Variants in STK35 observed in about 807,000 individuals in gnomAD.
STK35 encodes serine/threonine kinase 35, also known as serine/threonine-protein kinase 35.
Under a neutral mutation model 37.3 loss-of-function variants are expected in STK35, and 17 were observed. That is an observed-to-expected ratio of 0.46 (90% confidence interval 0.31 to 0.68). The LOEUF (loss-of-function observed/expected upper bound fraction) is 0.68, where lower values mean the gene tolerates loss of function less well. Among genes scored for constraint, STK35 ranks in the 30% least tolerant of loss-of-function variants. STK35 has a pLI of 0.05. For missense variants in STK35, 595 were observed against 746.7 expected, an observed-to-expected ratio of 0.80 and a Z score of 2.37; for synonymous variants, 385 against 319.1, an observed-to-expected ratio of 1.21 and a Z score of -2.20.
chr20:2,117,387 G>A lies in STK35; in HGVS notation c.*9G>A, dbSNP rs576379361. The stretch of plus-strand genomic sequence containing the variant: ...TCACATGTGCTGCTTAAAATTCAGG[G>A]CTAAGCATTTTGGGTGATTTTAAAC... On this transcript the variant is annotated 3_prime_UTR_variant, in exon 3 of 4. Coordinates refer to ENST00000381482, the MANE Select transcript of STK35 (RefSeq NM_080836.4). This position sits in a 1 kb window ranked among gnomAD's most constrained non-coding sequence, Gnocchi z 4.4. 3 of 1,580,114 alleles carry A rather than the reference G, an allele frequency of 1.9e-6. No homozygotes were observed. Among genetic ancestry groups the A allele is most frequent in the Non-Finnish European group, 2.6e-6 (3 of 1,160,850 alleles).
At position 2,144,709 on chromosome 20, in the gene STK35, C is replaced by T. The variant is rs1986229855; in HGVS notation, c.*963C>T. ...CTCACCTAACTGCCTCCTGGATTGT[C>T]ATCTTCCCAGATGTGTCCCATAGTG... On this transcript the variant is annotated 3_prime_UTR_variant, in exon 4 of 4. Transcript: ENST00000381482. 6.5e-6 allele frequency: 1 copy of T among 153,030 alleles called. No individual in the cohort carries two copies. The highest frequency in any genetic ancestry group is 2.4e-5 in the African/African-American group (1 of 41,460). 9.5% of individuals were successfully genotyped at this position (153,030 alleles called of 1,614,324 possible). A position where few individuals can be genotyped will look rare whatever the true frequency, so the allele number is the denominator to read the frequency against.
chr20:2,129,618 A>G (rs781278673), intron 3 of STK35, among the ~76,000 whole-genome samples: 1 of 152,182 alleles, frequency 6.6e-6, no homozygotes, highest in Admixed American at 6.5e-5. Flanking sequence ...GGGTGAAAAA[A>G]GCAGACGTGG....
chr20:2,109,673 A>G (rs1985581261), intron 2 of STK35, among the ~76,000 whole-genome samples: 2 of 152,238 alleles, frequency 1.3e-5, no homozygotes, highest in Non-Finnish European at 2.9e-5. Flanking sequence ...CAGAGACATT[A>G]GCATAATTCA....
At chr20:2,110,941 A>G (rs912256235) in intron 2 of STK35, among the ~76,000 whole-genome samples, 3 of 152,174 alleles carry the variant, frequency 2.0e-5, no homozygotes, top group African/African-American at 7.2e-5. Context: ...CAAGTTACTT[A>G]ATCTTTTGCT....
In STK35 at chr20:2,145,938, A is replaced by G. The variant is rs2153743; in HGVS notation, c.*2192A>G. 6.6e-6 allele frequency: 1 copy of G among 151,710 alleles called. No homozygotes were observed. Among genetic ancestry groups the G allele is most frequent in the Non-Finnish European group, 1.5e-5 (1 of 67,920 alleles). 9.4% of individuals were successfully genotyped at this position (151,710 alleles called of 1,614,324 possible). ...TTCTTTTTTTTCCCTCCCCAGGTCT[A>G]GTAGCTCTAACTAAAAAGTTCTTGG... is the stretch of plus-strand genomic sequence containing the variant. On this transcript the variant is annotated 3_prime_UTR_variant, in exon 4 of 4. Coordinates refer to ENST00000381482, the MANE Select transcript of STK35 (RefSeq NM_080836.4).
chr20:2,114,228 G>A (rs964901148), intron 2 of STK35, among the ~76,000 whole-genome samples: 1 of 152,048 alleles, frequency 6.6e-6, no homozygotes, highest in Non-Finnish European at 1.5e-5. Context: ...AGAAGTCCAG[G>A]GGCCTTTCCT....
At chr20:2,116,262 G>T (rs1421833496) in intron 2 of STK35, among the ~76,000 whole-genome samples, 1 of 152,164 alleles carries the variant, frequency 6.6e-6, no homozygotes, top group Non-Finnish European at 1.5e-5. Flanking sequence ...GAGAGGGAAG[G>T]TCATTTGCTC....
At chr20:2,142,851 G>A (rs1156430788) in intron 3 of STK35, among the ~76,000 whole-genome samples, 1 of 152,232 alleles carries the variant, frequency 6.6e-6, no homozygotes, top group East Asian at 1.9e-4. Context: ...ACTTAGCACT[G>A]ATCCGATAGC....
intron 2 of STK35, among the ~76,000 whole-genome samples, chr20:2,115,812 G>GC (rs2122552369): frequency 6.6e-6 from 1 of 151,910 alleles, no homozygotes; most frequent in East Asian, 1.9e-4. Flanking sequence ...TTACCTTCCT[G>GC]CTCCCCCACT....
intron 3 of STK35, among the ~76,000 whole-genome samples, chr20:2,143,079 A>C (rs1986197630): frequency 6.6e-6 from 1 of 152,232 alleles, no homozygotes; most frequent in Non-Finnish European, 1.5e-5. Flanking sequence ...ACAGGTGATG[A>C]GACCAGGGAA....
intron 3 of STK35, among the ~76,000 whole-genome samples, chr20:2,128,741 G>A (rs1030128248): frequency 6.6e-6 from 1 of 152,172 alleles, no homozygotes; most frequent in Non-Finnish European, 1.5e-5. Flanking sequence ...GAATGGTAGG[G>A]AGGTCACCCC....
intron 2 of STK35, among the ~76,000 whole-genome samples, chr20:2,114,241 G>A (rs745876515): frequency 6.6e-6 from 1 of 152,046 alleles, no homozygotes; most frequent in South Asian, 2.1e-4. Context: ...CCTTTCCTGC[G>A]CAAAGAAGTA....
In STK35 at chr20:2,144,558, C is replaced by T. The variant is rs551253091; in HGVS notation, c.*812C>T. The T allele has an allele frequency of 1.3e-5, 2 of 152,950 alleles. No individual in the cohort carries two copies. The highest frequency in any genetic ancestry group is 1.9e-4 in the East Asian group (1 of 5,186). The allele number at this position is 152,950 out of a possible 1,614,324, so 9.5% of individuals were successfully genotyped here. Reference sequence around the variant, plus strand: ...AGGTAAGGGTGGAGGGCGACCATCTCGCTCTTGCTGGCGGTGGAGCAGCCA... The same window carrying T: ...AGGTAAGGGTGGAGGGCGACCATCTTGCTCTTGCTGGCGGTGGAGCAGCCA... On this transcript the variant is annotated 3_prime_UTR_variant, in exon 4 of 4. Coordinates refer to ENST00000381482, the MANE Select transcript of STK35 (RefSeq NM_080836.4).
chr20:2,112,848 C>T (rs1985646083), intron 2 of STK35, among the ~76,000 whole-genome samples: 1 of 152,150 alleles, frequency 6.6e-6, no homozygotes, highest in Non-Finnish European at 1.5e-5. Flanking sequence ...CAGATTATAC[C>T]AGACAAGGGA....
At chr20:2,118,596 T>C (rs1054611506) in intron 3 of STK35, among the ~76,000 whole-genome samples, 21 of 151,730 alleles carry the variant, frequency 1.4e-4, no homozygotes, top group African/African-American at 4.8e-4. Context: ...AAAAAAAAAA[T>C]TTATTGTGAG....
intron 3 of STK35, among the ~76,000 whole-genome samples, chr20:2,125,876 A>G (rs1384146300): frequency 2.0e-5 from 3 of 152,270 alleles, no homozygotes; most frequent in Admixed American, 2.0e-4. Flanking sequence ...ACCTCCACCC[A>G]CCGGCAGCTG....
chr20:2,122,908 A>G (rs1408827326), intron 3 of STK35, among the ~76,000 whole-genome samples: 2 of 152,218 alleles, frequency 1.3e-5, no homozygotes, highest in Non-Finnish European at 2.9e-5. Flanking sequence ...AGAAAAGTAT[A>G]TCTATTTTTA....
intron 2 of STK35, among the ~76,000 whole-genome samples, chr20:2,104,399 A>G (rs6132289): frequency 0.1 from 15,757 of 152,236 alleles, 2,719 homozygotes; most frequent in East Asian, 0.81. Flanking sequence ...TCCTTTTTCT[A>G]TAAATAAACT....
intron 2 of STK35, among the ~76,000 whole-genome samples, chr20:2,114,419 G>T (rs970861676): frequency 6.6e-6 from 1 of 152,144 alleles, no homozygotes; most frequent in Admixed American, 6.5e-5. Flanking sequence ...ACTCCAGCCT[G>T]GGTGACAGAG....
Sources: allele counts gnomAD v4.1 joint callset (sites outside exome capture counted in the v4.1 genomes callset), GRCh38; gene constraint gnomAD v4.1.1; non-coding constraint Gnocchi (gnomAD v3.1); transcripts MANE v1.5; gene names NCBI Gene and HGNC (gene_info 2026-07-23, HGNC 2026-07-21).